Variants in ASTN2 observed in about 807,000 individuals in gnomAD.
The protein encoded by ASTN2 is astrotactin 2.
Under a neutral mutation model 139.8 loss-of-function variants are expected in ASTN2, and 54 were observed. The observed-to-expected ratio is 0.39, with a 90% CI of 0.31 to 0.48. The LOEUF (loss-of-function observed/expected upper bound fraction) is 0.48, where lower values mean the gene tolerates loss of function less well. Ranked by LOEUF, ASTN2 falls within the 20% of genes least tolerant of loss-of-function variation. The probability of loss-of-function intolerance (pLI) is 0.95; values close to 1 mark genes in which losing one functional copy is unlikely to be tolerated. For missense variants in ASTN2, 1,565 were observed against 1,725.1 expected, an observed-to-expected ratio of 0.91 and a Z score of 1.64; for synonymous variants, 756 against 719.5, an observed-to-expected ratio of 1.05 and a Z score of -0.81.
chr9:117,031,826 C>T (rs1588496236), intron 6 of ASTN2, among the ~76,000 whole-genome samples: 1 of 152,002 alleles, frequency 6.6e-6, no homozygotes, highest in Non-Finnish European at 1.5e-5. Flanking sequence ...CGGGCAGGGG[C>T]CTGACCTTGC....
At chr9:116,796,074 AGC>A (rs1830679825) in intron 13 of ASTN2, among the ~76,000 whole-genome samples, 2 of 152,230 alleles carry the variant, frequency 1.3e-5, no homozygotes, top group Admixed American at 1.3e-4. Flanking sequence ...TGAACCTGGC[AGC>A]CCTCTATGGC....
chr9:117,223,766 T>C (rs368512971), intron 2 of ASTN2, among the ~76,000 whole-genome samples: 1 of 152,250 alleles, frequency 6.6e-6, no homozygotes, highest in Non-Finnish European at 1.5e-5. Context: ...TACTCACACC[T>C]ATGTTAATAC....
At chr9:116,893,362 TG>T (rs1486364832) in intron 10 of ASTN2, among the ~76,000 whole-genome samples, 3 of 152,224 alleles carry the variant, frequency 2.0e-5, no homozygotes, top group African/African-American at 7.2e-5. Flanking sequence ...ATTTGGTTGT[TG>T]GAAGTTTTTC....
intron 1 of ASTN2, among the ~76,000 whole-genome samples, chr9:117,371,669 G>A (rs1301680505): frequency 6.6e-6 from 1 of 152,044 alleles, no homozygotes; most frequent in Admixed American, 6.6e-5. Flanking sequence ...GTTGTCGTGA[G>A]GATTAATAAT....
chr9:116,532,147 G>T (rs950413924), intron 19 of ASTN2, among the ~76,000 whole-genome samples: 86 of 152,278 alleles, frequency 5.6e-4, no homozygotes, highest in East Asian at 7.7e-4. Flanking sequence ...TGTGTCTTTT[G>T]GCTGCATAAA....
intron 5 of ASTN2, among the ~76,000 whole-genome samples, chr9:117,059,230 A>G (rs2132681579): frequency 6.6e-6 from 1 of 152,318 alleles, no homozygotes; most frequent in Admixed American, 6.5e-5. Flanking sequence ...GGGAGAGGAT[A>G]GGTGGTGTCT....
intron 19 of ASTN2, among the ~76,000 whole-genome samples, chr9:116,598,921 C>G (rs1854726301): frequency 6.6e-6 from 1 of 152,152 alleles, no homozygotes; most frequent in Non-Finnish European, 1.5e-5. Flanking sequence ...TGTTATTGAA[C>G]AGTCAGATAA....
intron 11 of ASTN2, among the ~76,000 whole-genome samples, chr9:116,849,332 A>G (rs1368265191): frequency 6.6e-6 from 1 of 151,902 alleles, no homozygotes; most frequent in Non-Finnish European, 1.5e-5. Context: ...AAAAGTCCCA[A>G]CCCTCTAATC....
At chr9:116,442,132 G>C (rs1317351932) in intron 21 of ASTN2, among the ~76,000 whole-genome samples, 1 of 152,178 alleles carries the variant, frequency 6.6e-6, no homozygotes, top group Non-Finnish European at 1.5e-5. Context: ...GAGAAATCTA[G>C]GCCAAGGGAC....
intron 5 of ASTN2, among the ~76,000 whole-genome samples, chr9:117,093,688 G>C (rs1828762694): frequency 1.3e-5 from 2 of 152,162 alleles, no homozygotes; most frequent in African/African-American, 4.8e-5. Context: ...TGCAGACTGA[G>C]ACATTGGGTT....
At chr9:116,771,648 T>C (rs1210815869) in intron 13 of ASTN2, among the ~76,000 whole-genome samples, 1 of 152,218 alleles carries the variant, frequency 6.6e-6, no homozygotes, top group Non-Finnish European at 1.5e-5. Flanking sequence ...TATCTGAAAT[T>C]ACCTACTTAA....
In ASTN2 at chr9:116,729,039, C is replaced by T. The variant is rs766074874; in HGVS notation, c.2579G>A (p.Arg860Gln). Reference protein sequence around the residue: ...GYPMVQQWRVRSNLYRVKLST... With the variant: ...GYPMVQQWRVQSNLYRVKLST... ...GAGCTTCACACGGTAGAGGTTGCTC[C>T]GGACCCGCCACTGCTGCACCATGGG... Residue 860 changes from arginine (R) to glutamine (Q), a missense_variant, in exon 15 of 23, where the codon CGG becomes CAG. Physicochemically the swap from Arg to Gln is conservative, Grantham distance 43. This residue lies in a region of ASTN2 where 503 missense variants were observed against 591.7 expected (regional missense o/e 0.85). Coordinates refer to ENST00000313400, the MANE Select transcript of ASTN2 (RefSeq NM_001365068.1). The T allele has an allele frequency of 2.9e-5, 45 of 1,576,864 alleles. No homozygotes were observed. The highest frequency in any genetic ancestry group is 8.1e-5 in the South Asian group (7 of 86,418).
intron 20 of ASTN2, among the ~76,000 whole-genome samples, chr9:116,482,556 T>A (rs1849205167): frequency 6.6e-6 from 1 of 152,210 alleles, no homozygotes; most frequent in African/African-American, 2.4e-5. Context: ...CTCACTGAAC[T>A]TAACCTTTCC....
At chr9:116,628,474 C>G (rs533710281) in intron 17 of ASTN2, among the ~76,000 whole-genome samples, 1 of 152,226 alleles carries the variant, frequency 6.6e-6, no homozygotes, top group South Asian at 2.1e-4. Flanking sequence ...TCCCCATCCC[C>G]TTTAGAACTT....
intron 19 of ASTN2, chr9:116,546,132 G>T (rs1448266249): frequency 1.3e-5 from 2 of 152,184 alleles, no homozygotes; most frequent in African/African-American, 2.4e-5. Context: ...TGAGTCTTCT[G>T]ATCCAAAGGT....
At chr9:117,335,189 A>G (rs1828844416) in intron 1 of ASTN2, among the ~76,000 whole-genome samples, 1 of 152,212 alleles carries the variant, frequency 6.6e-6, no homozygotes, top group Admixed American at 6.5e-5. Flanking sequence ...ATATTTATTT[A>G]CATGTTTATT....
At chr9:116,733,234 A>G (rs1255363696) in intron 14 of ASTN2, among the ~76,000 whole-genome samples, 165 bp downstream of exon 14, 1 of 152,200 alleles carries the variant, frequency 6.6e-6, no homozygotes, top group Non-Finnish European at 1.5e-5. Flanking sequence ...TGCTCAGCCA[A>G]TAGCAGGAGC....
At chr9:116,440,519 G>A (rs542562452) in intron 22 of ASTN2, 90 bp downstream of exon 22, 4 of 1,238,446 alleles carry the variant, frequency 3.2e-6, no homozygotes, top group Non-Finnish European at 4.6e-6. Flanking sequence ...ACTTGATAAA[G>A]CCTAGTCTCA....
chr9:116,923,566 G>A (rs1327135125), intron 10 of ASTN2, among the ~76,000 whole-genome samples: 1 of 152,198 alleles, frequency 6.6e-6, no homozygotes, highest in African/African-American at 2.4e-5. Flanking sequence ...ATATGACTTG[G>A]TGTTCTTTGA....
Sources: allele counts gnomAD v4.1 joint callset (sites outside exome capture counted in the v4.1 genomes callset), GRCh38; gene constraint gnomAD v4.1.1; regional missense constraint gnomAD v4.1.1; transcripts MANE v1.5; gene names NCBI Gene and HGNC (gene_info 2026-07-23, HGNC 2026-07-21).